Variants in B3GALNT1 observed in about 807,000 individuals in gnomAD.
B3GALNT1 encodes the protein beta-1,3-N-acetylgalactosaminyltransferase 1 (Globoside blood group).
B3GALNT1 carries 17 observed loss-of-function variants against 27.3 expected under a neutral mutation model. The observed-to-expected ratio is 0.62, with a 90% CI of 0.43 to 0.94. The LOEUF is 0.94. B3GALNT1 is among the 40% of genes least tolerant of loss of function. The probability of loss-of-function intolerance (pLI) is 0.00; values close to 1 mark genes in which losing one functional copy is unlikely to be tolerated. For synonymous variants in B3GALNT1, 141 were observed against 144.0 expected (o/e 0.98, Z 0.15); for missense variants, 347 against 390.0 (o/e 0.89, Z 0.93).
chr3:161,094,441 C>A (rs1404147698), intron 4 of B3GALNT1, among the ~76,000 whole-genome samples: 1 of 152,068 alleles, frequency 6.6e-6, no homozygotes, highest in African/African-American at 2.4e-5. Context: ...TGTTTAAATG[C>A]AAAGATTCCA....
chr3:161,086,859 C>T, intron 4 of B3GALNT1, 71 bp from the exon 5 acceptor site: 1 of 1,456,416 alleles, frequency 6.9e-7, no homozygotes, highest in Non-Finnish European at 9.4e-7. Context: ...ATCTGACTAT[C>T]TACTCAAGGA....
In B3GALNT1 at chr3:161,101,121, C is replaced by T. The variant is rs750342505; in HGVS notation, c.-35+18G>A. ...ATTCCTGGGCAGGGAGCAAAGAATG[C>T]AGCAGAAGCAGACACACCTTTACAC... On this transcript the variant is annotated intron_variant, in intron 4 of 4. Transcript: ENST00000320474. The T allele has an allele frequency of 7.8e-7, 1 of 1,286,574 alleles. No homozygotes were observed. Among genetic ancestry groups the T allele is most frequent in the South Asian group, 1.2e-5 (1 of 80,956 alleles). 79.7% of individuals were successfully genotyped at this position (1,286,574 alleles called of 1,614,324 possible).
chr3:161,086,901 A>G lies in B3GALNT1; in HGVS notation c.-34-113T>C, dbSNP rs1384767366. On this transcript the variant is annotated intron_variant, in intron 4 of 4. Transcript: ENST00000320474. ...GTAGGAGAACAGAATCTCCAGAGTA[A>G]AACAAAAAATCCTGACTTGAATCTA... The G allele has an allele frequency of 2.5e-6, 3 of 1,179,360 alleles. No individual in the cohort carries two copies. In the East Asian group the frequency reaches 7.7e-5, roughly 30 times the overall value. The allele number at this position is 1,179,360 out of a possible 1,614,324, so 73.1% of individuals were successfully genotyped here. A position where few individuals can be genotyped will look rare whatever the true frequency, so the allele number is the denominator to read the frequency against.
intron 4 of B3GALNT1, chr3:161,089,955 C>T: frequency 4.8e-6 from 1 of 207,748 alleles, no homozygotes; most frequent in South Asian, 5.4e-5. Context: ...TGTAGTCCCA[C>T]CTACTTGGGA....
intron 4 of B3GALNT1, among the ~76,000 whole-genome samples, chr3:161,092,763 C>CTTTTTTTT (rs33946641): frequency 2.8e-3 from 294 of 104,766 alleles, no homozygotes; most frequent in African/African-American, 5.6e-3. Context: ...TTTCATTTTT[C>CTTTTTTTT]TTTTTTTTTT....
chr3:161,104,201 G>T, intron 2 of B3GALNT1, 118 bp downstream of exon 2: 1 of 647,354 alleles, frequency 1.5e-6, no homozygotes, highest in Non-Finnish European at 2.3e-6. Flanking sequence ...GCTTTTATCA[G>T]GCATCGACAC....
chr3:161,103,457 A>G lies in B3GALNT1; in HGVS notation c.-160T>C, dbSNP rs1458856562. On this transcript the variant is annotated 5_prime_UTR_variant, in exon 3 of 5. Coordinates refer to ENST00000320474, the MANE Select transcript of B3GALNT1 (RefSeq NM_003781.4). The stretch of plus-strand genomic sequence containing the variant: ...GAATTCCAGATGAAATTAAAGCTTA[A>G]GTTTTTTGTTGTTTTCTGTATTCCA... The G allele has an allele frequency of 7.8e-7, 1 of 1,280,714 alleles. No individual in the cohort carries two copies. Among genetic ancestry groups the G allele is most frequent in the Non-Finnish European group, 1.0e-6 (1 of 981,304 alleles). The allele number at this position is 1,280,714 out of a possible 1,614,324, so 79.3% of individuals were successfully genotyped here.
At chr3:161,094,673 A>C (rs973286772) in intron 4 of B3GALNT1, among the ~76,000 whole-genome samples, 3 of 148,544 alleles carry the variant, frequency 2.0e-5, no homozygotes, top group Non-Finnish European at 3.0e-5. Flanking sequence ...CTTAAAAATA[A>C]CAATATTAAC....
rs1013404887 is a variant in B3GALNT1, at chr3:161,084,227, T to C, written c.*1532A>G. 1 of 152,182 alleles carries C rather than the reference T, an allele frequency of 6.6e-6. No homozygotes were observed. The highest frequency in any genetic ancestry group is 2.4e-5 in the African/African-American group (1 of 41,444). 9.4% of individuals were successfully genotyped at this position (152,182 alleles called of 1,614,324 possible). On this transcript the variant is annotated 3_prime_UTR_variant, in exon 5 of 5. Coordinates refer to ENST00000320474, the MANE Select transcript of B3GALNT1 (RefSeq NM_003781.4). ...TTAAAGAACGTGACTCCTATATGGA[T>C]GGAGATTAACAAGGGCATAGATCGA...
Position 161,101,191 on chromosome 3 carries a change from G to A in B3GALNT1, c.-87C>T, listed in dbSNP as rs756498393. On this transcript the variant is annotated 5_prime_UTR_variant, in exon 4 of 5. Transcript: ENST00000320474. ...AGCACCACGTGATAGAGCAGCCAGC[G>A]GGAAGAGCCAACAGGTCAACCGGGT... 24 of 1,289,886 alleles carry A rather than the reference G, an allele frequency of 1.9e-5. No homozygotes were observed. Among genetic ancestry groups the A allele is most frequent in the Admixed American group, 4.6e-5 (2 of 43,556 alleles). 79.9% of individuals were successfully genotyped at this position (1,289,886 alleles called of 1,614,324 possible).
intron 4 of B3GALNT1, among the ~76,000 whole-genome samples, chr3:161,099,889 A>G (rs935643960): frequency 1.1e-4 from 17 of 152,126 alleles, no homozygotes; most frequent in South Asian, 8.3e-4. Context: ...AGGGGGTCAT[A>G]ATTCCATAGC....
At chr3:161,100,131 A>G (rs193271300) in intron 4 of B3GALNT1, among the ~76,000 whole-genome samples, 32 of 152,310 alleles carry the variant, frequency 2.1e-4, no homozygotes, top group Admixed American at 1.8e-3. Context: ...GAAACCAAAG[A>G]TAGTGTTATT....
chr3:161,085,541 C>T lies in B3GALNT1; in HGVS notation c.*218G>A. ...TATTAATTTCTTTAGCAAAAACCTC[C>T]AATTCCTTTATATTTAATTCCTCCA... On this transcript the variant is annotated 3_prime_UTR_variant, in exon 5 of 5. Coordinates refer to ENST00000320474, the MANE Select transcript of B3GALNT1 (RefSeq NM_003781.4). 1 of 557,082 alleles carries T rather than the reference C, an allele frequency of 1.8e-6. No individual in the cohort carries two copies. The highest frequency in any genetic ancestry group is 2.3e-5 in the South Asian group (1 of 42,896). 34.5% of individuals were successfully genotyped at this position (557,082 alleles called of 1,614,324 possible).
chr3:161,087,533 C>T (rs1044098496), intron 4 of B3GALNT1, among the ~76,000 whole-genome samples: 30 of 152,274 alleles, frequency 2.0e-4, no homozygotes, highest in African/African-American at 6.3e-4. Context: ...ATCAAAGGCC[C>T]GTCCTTAGTA....
intron 4 of B3GALNT1, among the ~76,000 whole-genome samples, chr3:161,090,825 G>A (rs962508852): frequency 2.0e-5 from 3 of 152,200 alleles, no homozygotes; most frequent in Non-Finnish European, 4.4e-5. Flanking sequence ...CAACTCGGTA[G>A]CTACTATACC....
Position 161,086,462 on chromosome 3 carries a change from C to T in B3GALNT1, c.293G>A (p.Arg98Lys). The change falls in exon 5 of 5, where the codon AGA becomes AAA. Residue 98 changes from arginine (R) to lysine (K), a missense_variant. Physicochemically the swap from Arg to Lys is conservative, Grantham distance 26 (BLOSUM62 2). Coordinates refer to ENST00000320474, the MANE Select transcript of B3GALNT1 (RefSeq NM_003781.4). ...PSDVKARQAI[R>K]VTWGEKKSWW... The stretch of plus-strand genomic sequence containing the variant: ...AGACTTTTTTTCACCCCAAGTAACT[C>T]TAATGGCCTGCCTGGCTTTCACATC... The T allele has an allele frequency of 1.2e-6, 2 of 1,613,888 alleles. No homozygotes were observed. The highest frequency in any genetic ancestry group is 1.7e-6 in the Non-Finnish European group (2 of 1,180,034).
chr3:161,104,551 G>A (rs150002797), intron 1 of B3GALNT1, 145 bp from the exon 2 acceptor site: 21 of 369,238 alleles, frequency 5.7e-5, no homozygotes, highest in African/African-American at 4.5e-4. Context: ...GGAAAAGTGA[G>A]ACTCCGTTGC....
chr3:161,100,139 A>T (rs1239344776), intron 4 of B3GALNT1, among the ~76,000 whole-genome samples: 5 of 152,242 alleles, frequency 3.3e-5, no homozygotes, highest in Admixed American at 2.0e-4. Context: ...AGATAGTGTT[A>T]TTCTAACAAA....
At chr3:161,104,573 T>G in intron 1 of B3GALNT1, 167 bp from the exon 2 acceptor site, 1 of 355,858 alleles carries the variant, frequency 2.8e-6, no homozygotes, top group African/African-American at 2.1e-5. Context: ...CCTCTAGGAA[T>G]CTTTTTAAAA....
Sources: allele counts gnomAD v4.1 joint callset (sites outside exome capture counted in the v4.1 genomes callset), GRCh38; gene constraint gnomAD v4.1.1; transcripts MANE v1.5; gene names NCBI Gene and HGNC (gene_info 2026-07-23, HGNC 2026-07-21).